The following CCDC88C variants were observed in gnomAD, a reference collection of about 807,000 sequenced individuals.
CCDC88C encodes protein Daple.
In CCDC88C, 131 loss-of-function variants were observed where a neutral mutation model predicts 198.8. The observed-to-expected ratio is 0.66, with a 90% confidence interval of 0.57 to 0.76. The LOEUF (loss-of-function observed/expected upper bound fraction) is 0.76. Ranked by LOEUF, CCDC88C falls within the 30% of genes least tolerant of loss-of-function variation. The pLI, the probability that CCDC88C is intolerant of heterozygous loss-of-function variation, is 0.00. For synonymous variants in CCDC88C, 1,166 were observed against 1,114.7 expected (o/e 1.05, Z -0.92); for missense variants, 2,553 against 2,631.6 (o/e 0.97, Z 0.65).
In CCDC88C at chr14:91,300,064, A is replaced by G. The variant is rs960546283; in HGVS notation, c.3642T>C (p.Gly1214=). Residue 1214 remains glycine (G), a synonymous_variant, in exon 21 of 30, where the codon GGT becomes GGC. Coordinates refer to ENST00000389857, the MANE Select transcript of CCDC88C (RefSeq NM_001080414.4). ...GCTCCGCCTTGCGCTTCAGCATGTCACCGTGCCTGTTGGAGGGAAGCACCT... is the reference window on the plus strand; with the variant it reads ...GCTCCGCCTTGCGCTTCAGCATGTCGCCGTGCCTGTTGGAGGGAAGCACCT... ...LEHKELGERH[G]DMLKRKAELE... 1 of 1,607,450 alleles carries G rather than the reference A, an allele frequency of 6.2e-7. No individual in the cohort carries two copies. Among genetic ancestry groups the G allele is most frequent in the East Asian group, 2.2e-5 (1 of 44,684 alleles).
chr14:91,350,977 C>A (rs1049481419), intron 4 of CCDC88C, among the ~76,000 whole-genome samples: 1 of 152,136 alleles, frequency 6.6e-6, no homozygotes, highest in Non-Finnish European at 1.5e-5. Flanking sequence ...TCCACCACTA[C>A]CTACCATCTC....
chr14:91,328,059 T>C (rs1892650525), intron 10 of CCDC88C, among the ~76,000 whole-genome samples: 1 of 152,182 alleles, frequency 6.6e-6, no homozygotes, highest in Non-Finnish European at 1.5e-5. Context: ...GCTTTTGCTC[T>C]TGTGAGCCTC....
chr14:91,290,231 C>T (rs1890602591), intron 24 of CCDC88C, among the ~76,000 whole-genome samples: 1 of 152,246 alleles, frequency 6.6e-6, no homozygotes, highest in African/African-American at 2.4e-5. Flanking sequence ...GAGACTGTGC[C>T]ATTGCACTCC....
chr14:91,319,953 A>T (rs1892279474), intron 13 of CCDC88C, among the ~76,000 whole-genome samples: 1 of 131,520 alleles, frequency 7.6e-6, no homozygotes, highest in African/African-American at 2.9e-5. Flanking sequence ...TGAACCTGGG[A>T]GGTGGAGTTG....
chr14:91,353,891 A>G lies in CCDC88C; in HGVS notation c.340+5751T>C, dbSNP rs562676257. Among the ~76,000 whole-genome samples the G allele has an allele frequency of 3.6e-4, 55 of 152,336 alleles. No individual in the cohort carries two copies. In the South Asian group the frequency reaches 5.6e-3, roughly 15 times the overall value. On this transcript the variant is annotated intron_variant, in intron 4 of 29. Coordinates refer to ENST00000389857, the MANE Select transcript of CCDC88C (RefSeq NM_001080414.4). ...GTGCATATGCAGTCGCAGCCCCTCCAGGGCTTCCAGGAATCCTGCTTGGCA... is the reference window on the plus strand; with the variant it reads ...GTGCATATGCAGTCGCAGCCCCTCCGGGGCTTCCAGGAATCCTGCTTGGCA...
rs1297917142 is a variant in CCDC88C, at chr14:91,334,108, G to A, written c.1050+3897C>T. Among the ~76,000 whole-genome samples, 5 of 152,146 alleles carry A rather than the reference G, an allele frequency of 3.3e-5. No individual in the cohort carries two copies. The East Asian group carries it at 9.6e-4, about 29-fold the overall frequency. On this transcript the variant is annotated intron_variant, in intron 10 of 29. Coordinates refer to ENST00000389857, the MANE Select transcript of CCDC88C (RefSeq NM_001080414.4). ...AGATGCTACAATGAGAATTTTTGCTGTATGTGCTTTATCACATATCCATCA... is the reference window on the plus strand; with the variant it reads ...AGATGCTACAATGAGAATTTTTGCTATATGTGCTTTATCACATATCCATCA...
chr14:91,324,231 G>C (rs1352104891), intron 12 of CCDC88C, among the ~76,000 whole-genome samples: 1 of 152,252 alleles, frequency 6.6e-6, no homozygotes, highest in Non-Finnish European at 1.5e-5. Flanking sequence ...GTGGGCAGCA[G>C]AGCAAGCCCA....
chr14:91,272,619 A>G lies in CCDC88C; in HGVS notation c.*6T>C. 5 of 1,598,616 alleles carry G rather than the reference A, an allele frequency of 3.1e-6. No homozygotes were observed. The highest frequency in any genetic ancestry group is 4.3e-6 in the Non-Finnish European group (5 of 1,172,990). Reference sequence around the variant, plus strand: ...TTTCAGGTTTGCGAGCTCAACCACGAGACAGTCACACACAGCCGTACTCAT... The same window carrying G: ...TTTCAGGTTTGCGAGCTCAACCACGGGACAGTCACACACAGCCGTACTCAT... On this transcript the variant is annotated 3_prime_UTR_variant, in exon 30 of 30. Coordinates refer to ENST00000389857, the MANE Select transcript of CCDC88C (RefSeq NM_001080414.4).
chr14:91,390,462 G>C (rs1885441273), intron 3 of CCDC88C, among the ~76,000 whole-genome samples: 1 of 152,212 alleles, frequency 6.6e-6, no homozygotes, highest in South Asian at 2.1e-4. Context: ...TGGCATCTCA[G>C]AGGCGCTCCT....
At chr14:91,378,789 A>G (rs1046311) in intron 3 of CCDC88C, 36,397 of 152,182 alleles carry the variant, frequency 0.24, 5,409 homozygotes, top group African/African-American at 0.42. Context: ...TATTGCCAGA[A>G]TCCACCTACA....
In CCDC88C at chr14:91,333,002, G is replaced by C. The variant is rs570946859; in HGVS notation, c.1050+5003C>G. On this transcript the variant is annotated intron_variant, in intron 10 of 29. Coordinates refer to ENST00000389857, the MANE Select transcript of CCDC88C (RefSeq NM_001080414.4). ...CCACGAGTGAAGAGCCTCGGGCGGGGGTCGGGGGTGCGGAAAGAAGCACTC... is the reference window on the plus strand; with the variant it reads ...CCACGAGTGAAGAGCCTCGGGCGGGCGTCGGGGGTGCGGAAAGAAGCACTC... Among the ~76,000 whole-genome samples the C allele has an allele frequency of 2.0e-5, 3 of 152,328 alleles. 1 individual carries two copies. Among genetic ancestry groups the C allele is most frequent in the African/African-American group, 7.2e-5 (3 of 41,576 alleles).
chr14:91,344,967 T>C (rs1365087254), intron 4 of CCDC88C, among the ~76,000 whole-genome samples: 3 of 151,346 alleles, frequency 2.0e-5, no homozygotes, highest in Non-Finnish European at 1.5e-5. Context: ...GGCTAACTTT[T>C]GTATTTTTTG....
intron 21 of CCDC88C, 56 bp downstream of exon 21, chr14:91,299,871 G>A: frequency 6.7e-7 from 1 of 1,502,312 alleles, no homozygotes; most frequent in Non-Finnish European, 8.9e-7. Flanking sequence ...TATGCAAGGA[G>A]AGTCTGAACA....
intron 17 of CCDC88C, among the ~76,000 whole-genome samples, chr14:91,307,729 T>C (rs745462047): frequency 1.6e-4 from 25 of 152,212 alleles, no homozygotes; most frequent in Non-Finnish European, 3.1e-4. Flanking sequence ...AGTGTGCACA[T>C]TGAGAGCACG....
rs775495790 is a variant in CCDC88C at position 91,297,337 on chromosome 14, T to G, written c.3934A>C (p.Ile1312Leu). 1 of 1,613,770 alleles carries G rather than the reference T, an allele frequency of 6.2e-7. No individual in the cohort carries two copies. Among genetic ancestry groups the G allele is most frequent in the South Asian group, 1.1e-5 (1 of 90,982 alleles). Residue 1312 changes from isoleucine to leucine, a missense_variant, in exon 22 of 30, where the codon ATC becomes CTC. Transcript: ENST00000389857. ...TGGTTGTCCAGCTTGGTCAGCGAGA[T>G]GTCCATGGTCTGGTGCTGCTCCTTC... ...ELKEQHQTMD[I>L]SLTKLDNHCE...
chr14:91,276,108 C>G (rs1235278725), intron 29 of CCDC88C, among the ~76,000 whole-genome samples: 1 of 152,102 alleles, frequency 6.6e-6, no homozygotes, highest in South Asian at 2.1e-4. Context: ...GCGTGAGCCA[C>G]CGCGCCCGGC....
intron 2 of CCDC88C, among the ~76,000 whole-genome samples, chr14:91,413,911 G>C (rs575368471): frequency 1.2e-4 from 19 of 152,346 alleles, no homozygotes; most frequent in African/African-American, 4.3e-4. Flanking sequence ...CAGGCAAATA[G>C]CACAGTCTAG....
chr14:91,374,553 G>A (rs544483025), intron 3 of CCDC88C, among the ~76,000 whole-genome samples: 24 of 152,310 alleles, frequency 1.6e-4, no homozygotes, highest in African/African-American at 5.1e-4. Flanking sequence ...TAGGGAGGGT[G>A]TGAGCCAGGT....
At chr14:91,351,511 C>G (rs2139886776) in intron 4 of CCDC88C, among the ~76,000 whole-genome samples, 1 of 152,234 alleles carries the variant, frequency 6.6e-6, no homozygotes, top group South Asian at 2.1e-4. Context: ...CGTGGGTGGG[C>G]ACATGGGGAT....
Sources: allele counts gnomAD v4.1 joint callset (sites outside exome capture counted in the v4.1 genomes callset), GRCh38; gene constraint gnomAD v4.1.1; transcripts MANE v1.5; gene names NCBI Gene and HGNC (gene_info 2026-07-23, HGNC 2026-07-21).